Variants in ZNF91 observed in about 807,000 individuals in gnomAD.
The protein encoded by ZNF91 is zinc finger protein 91.
Under a neutral mutation model 12.6 loss-of-function variants are expected in ZNF91, and 7 were observed. The ratio of observed to expected loss-of-function variants is 0.55; its 90% CI spans 0.31 to 1.04. ZNF91 has a LOEUF of 1.04. Ranked by LOEUF, ZNF91 falls within the 50% of genes least tolerant of loss-of-function variation. The pLI, the probability that ZNF91 is intolerant of heterozygous loss-of-function variation, is 0.05. For missense variants in ZNF91, 1,217 were observed against 1,385.4 expected (o/e 0.88, Z 1.93); for synonymous variants, 453 against 462.6 (o/e 0.98, Z 0.27).
intron 1 of ZNF91, chr19:23,385,152 C>T (rs12985056): frequency 0.18 from 129,727 of 719,452 alleles, 13,045 homozygotes; most frequent in African/African-American, 0.21. Flanking sequence ...TTCACCATCC[C>T]GCGTCATGCA....
chr19:23,309,004 C>G (rs1218307727), exon 2 of ZNF91: 1 of 150,566 alleles, frequency 6.6e-6, no homozygotes, highest in Non-Finnish European at 1.5e-5. Flanking sequence ...CTAGAAGGTG[C>G]AACTTTTCTG....
chr19:23,384,877 G>C (rs1969826028), intron 1 of ZNF91: 2 of 754,744 alleles, frequency 2.6e-6, no homozygotes. Flanking sequence ...AGGGTCCCAA[G>C]CTCTCATGTT....
rs1402960049 is a variant in ZNF91 at position 23,360,280 on chromosome 19, T to C, written c.2699A>G (p.His900Arg). The C allele has an allele frequency of 6.2e-7, 1 of 1,613,922 alleles. No individual in the cohort carries two copies. The highest frequency in any genetic ancestry group is 1.7e-5 in the Admixed American group (1 of 60,030). Residue 900 changes from histidine to arginine, a missense_variant, in exon 4 of 4, where the codon CAT becomes CGT. Physicochemically the swap from His to Arg is conservative, Grantham distance 29. This residue lies in a region of ZNF91 where 491 missense variants were observed against 489.8 expected (regional missense o/e 1.00). Transcript: ENST00000300619. ...AFIWSSTLTE[H>R]KRIHTREKTY... The stretch of plus-strand genomic sequence containing the variant: ...TTTCTCTCTGGTATGAATTCTCTTA[T>C]GTTCAGTAAGGGTTGAGGACCAGAT...
chr19:23,332,390 G>A (rs904062083), intron 1 of ZNF91, among the ~76,000 whole-genome samples: 1 of 152,038 alleles, frequency 6.6e-6, no homozygotes, highest in African/African-American at 2.4e-5. Flanking sequence ...ACATGACAGA[G>A]GGATGTAGAT....
intron 1 of ZNF91, among the ~76,000 whole-genome samples, chr19:23,389,159 A>C (rs555541828): frequency 6.8e-6 from 1 of 147,876 alleles, no homozygotes; most frequent in African/African-American, 2.5e-5. Flanking sequence ...ATAGAAGTTT[A>C]AAAAAAAAAA....
intron 1 of ZNF91, among the ~76,000 whole-genome samples, chr19:23,317,841 T>G (rs1292847518): frequency 1.3e-5 from 2 of 152,222 alleles, no homozygotes; most frequent in African/African-American, 4.8e-5. Flanking sequence ...TTGTGACTCA[T>G]GTATTTAGAC....
At chr19:23,387,706 A>C (rs572487577) in intron 1 of ZNF91, among the ~76,000 whole-genome samples, 1 of 151,354 alleles carries the variant, frequency 6.6e-6, no homozygotes, top group South Asian at 2.1e-4. Flanking sequence ...TTGGGAGGCC[A>C]AGGTGGGTGG....
At chr19:23,364,560 ATATT>A (rs1959020506) in intron 3 of ZNF91, among the ~76,000 whole-genome samples, 1 of 150,360 alleles carries the variant, frequency 6.7e-6, no homozygotes, top group African/African-American at 2.5e-5. Context: ...ACTAAATTAA[ATATT>A]TATTTTCTGG....
chr19:23,350,593 T>C lies in ZNF91; in HGVS notation c.254-11539A>G, dbSNP rs575950804. On this transcript the variant is annotated intron_variant, in intron 3 of 3. Coordinates refer to the ZNF91 transcript ENST00000599743. ...TTGAGAAAGTTGTCCCTTTTTTCTA[T>C]AACCAAATAGACAGGAATGAAAGAT... 2.0e-5 allele frequency among the ~76,000 whole-genome samples: 3 copies of C among 152,254 alleles called. No homozygotes were observed. In the South Asian group the frequency reaches 6.2e-4, roughly 32 times the overall value.
At chr19:23,323,266 TTTC>T (rs550635496) in intron 1 of ZNF91, among the ~76,000 whole-genome samples, 236 of 144,240 alleles carry the variant, frequency 1.6e-3, no homozygotes, top group African/African-American at 4.8e-3. Context: ...TCCTGTTCCT[TTTC>T]TTCTTTCTTC....
downstream of ZNF91, among the ~76,000 whole-genome samples, chr19:23,353,168 A>G (rs1421890016): frequency 6.6e-6 from 1 of 152,214 alleles, no homozygotes; most frequent in African/African-American, 2.4e-5. Context: ...TCTACTCAAC[A>G]GTGCATGGAA....
chr19:23,310,652 T>C (rs1967455868), upstream of ZNF91: 1 of 152,226 alleles, frequency 6.6e-6, no homozygotes, highest in Non-Finnish European at 1.5e-5. Context: ...TCTCCTTATG[T>C]GGGCCCAGCC....
At chr19:23,356,960 C>A (rs295370), downstream of ZNF91, among the ~76,000 whole-genome samples, 1 of 151,682 alleles carries the variant, frequency 6.6e-6, no homozygotes, top group Non-Finnish European at 1.5e-5. Context: ...CCAGGCGAGG[C>A]GGCTCACGCC....
At chr19:23,309,555 A>G (rs1599677392) in intron 1 of ZNF91, among the ~76,000 whole-genome samples, 2 of 152,246 alleles carry the variant, frequency 1.3e-5, no homozygotes, top group Admixed American at 1.3e-4. Context: ...CTTCTTTCAG[A>G]AAAGTTTGTC....
chr19:23,341,758 T>C (rs1201391315), intron 3 of ZNF91, among the ~76,000 whole-genome samples: 1 of 152,200 alleles, frequency 6.6e-6, no homozygotes, highest in Admixed American at 6.5e-5. Flanking sequence ...GTTCCTGTGA[T>C]TTCTGAAACA....
chr19:23,340,074 G>A (rs750688064), intron 3 of ZNF91: 1 of 151,754 alleles, frequency 6.6e-6, no homozygotes. Context: ...TAGCCTAAAG[G>A]CCTGCATCAA....
rs554214342 is a variant in ZNF91 at position 23,382,089 on chromosome 19, C to T, written c.31-7325G>A. Among the ~76,000 whole-genome samples, 2 of 148,284 alleles carry T rather than the reference C, an allele frequency of 1.3e-5. 1 individual carries two copies. The highest frequency in any genetic ancestry group is 4.3e-4 in the South Asian group (2 of 4,686). ...AAAAAATGACAAAAGGTTTATTCAG[C>T]TGTTATTTGATTTATATATATTTCA... On this transcript the variant is annotated intron_variant, in intron 1 of 3. Coordinates refer to ENST00000300619, the MANE Select transcript of ZNF91 (RefSeq NM_003430.4).
At position 23,395,468 on chromosome 19, in the gene ZNF91, A is replaced by G; in HGVS notation, c.-114T>C. On this transcript the variant is annotated 5_prime_UTR_variant, in exon 1 of 4. Transcript: ENST00000300619. ...ACCTGGAAACTCCGGCGGCAGCGAGAGACAAAGGCCCAGCCACATCCCGGA... is the reference window on the plus strand; with the variant it reads ...ACCTGGAAACTCCGGCGGCAGCGAGGGACAAAGGCCCAGCCACATCCCGGA... 7.6e-7 allele frequency: 1 copy of G among 1,308,938 alleles called. No individual in the cohort carries two copies. Among genetic ancestry groups the G allele is most frequent in the Non-Finnish European group, 1.1e-6 (1 of 932,240 alleles). The allele number at this position is 1,308,938 out of a possible 1,614,324, so 81.1% of individuals were successfully genotyped here. A position where few individuals can be genotyped will look rare whatever the true frequency, so the allele number is the denominator to read the frequency against.
Position 23,362,464 on chromosome 19 carries a change from T to C in ZNF91, c.515A>G (p.His172Arg), listed in dbSNP as rs1211425678. Residue 172 changes from histidine (H) to arginine (R), a missense_variant, in exon 4 of 4, where the codon CAT (histidine) becomes CGT (arginine). Transcript: ENST00000300619. Reference sequence around the variant, plus strand: ...TTTCTTTCCAGTATGTCTTATCGTATGTCTGTTTGAATTTAAAAATTTATA... The same window carrying C: ...TTTCTTTCCAGTATGTCTTATCGTACGTCTGTTTGAATTTAAAAATTTATA... ...VFYKFLNSNR[H>R]TIRHTGKKCF... 6.2e-6 allele frequency: 10 copies of C among 1,607,358 alleles called. No homozygotes were observed. Among genetic ancestry groups the C allele is most frequent in the Middle Eastern group, 1.7e-4 (1 of 5,996 alleles).
Sources: gnomAD v4.1 joint callset for allele counts (sites outside exome capture counted in the v4.1 genomes callset) on GRCh38, gnomAD v4.1.1 for gene constraint, gnomAD v4.1.1 regional missense constraint, MANE v1.5 for transcripts, NCBI Gene and HGNC (gene_info 2026-07-23, HGNC 2026-07-21) for gene names.